Variants in PLEKHG1 observed in about 807,000 individuals in gnomAD.
PLEKHG1 encodes pleckstrin homology domain-containing family G member 1.
In PLEKHG1, 44 loss-of-function variants were observed where a neutral mutation model predicts 100.8. The ratio of observed to expected loss-of-function variants is 0.44; its 90% CI spans 0.34 to 0.56. The LOEUF is 0.56. PLEKHG1 is among the 20% of genes least tolerant of loss of function. The probability of loss-of-function intolerance (pLI) is 0.01; values close to 1 mark genes in which losing one functional copy is unlikely to be tolerated. For synonymous variants in PLEKHG1, 640 were observed against 662.5 expected (o/e 0.97, Z 0.52); for missense variants, 1,545 against 1,720.9 (o/e 0.90, Z 1.81).
intron 2 of PLEKHG1, among the ~76,000 whole-genome samples, chr6:150,646,271 G>T (rs1305469988): frequency 6.6e-6 from 1 of 151,822 alleles, no homozygotes; most frequent in Non-Finnish European, 1.5e-5. Flanking sequence ...TCTAATAGTG[G>T]GAAAAGTTCT....
chr6:150,723,174 G>A (rs1157054401), intron 1 of PLEKHG1, among the ~76,000 whole-genome samples: 1 of 152,112 alleles, frequency 6.6e-6, no homozygotes, highest in East Asian at 1.9e-4. Context: ...GATGAGACTT[G>A]GAGAAGTCAC....
In PLEKHG1 at chr6:150,839,704, G is replaced by A. The variant is rs1777411502; in HGVS notation, c.3095-129G>A. Reference sequence around the variant, plus strand: ...AGAGTTCAAAGATTACTCATCCTTAGACATCAGTTAGTCTTGTCTACTGTC... The same window carrying A: ...AGAGTTCAAAGATTACTCATCCTTAAACATCAGTTAGTCTTGTCTACTGTC... On this transcript the variant is annotated intron_variant, in intron 15 of 15. Coordinates refer to ENST00000358517, the Ensembl canonical transcript of PLEKHG1. The A allele has an allele frequency of 4.8e-6, 3 of 621,336 alleles. No individual in the cohort carries two copies. In the South Asian group the frequency reaches 6.0e-5, roughly 12 times the overall value. 38.5% of individuals were successfully genotyped at this position (621,336 alleles called of 1,614,324 possible).
intron 3 of PLEKHG1, among the ~76,000 whole-genome samples, chr6:150,698,976 A>C (rs924309910): frequency 6.6e-6 from 1 of 152,232 alleles, no homozygotes; most frequent in Non-Finnish European, 1.5e-5. Context: ...GGCATATTTC[A>C]AAGTAACATT....
chr6:150,603,849 C>T (rs1472878791), intron 1 of PLEKHG1, among the ~76,000 whole-genome samples: 2 of 152,194 alleles, frequency 1.3e-5, no homozygotes, highest in Admixed American at 6.5e-5. Flanking sequence ...TTTCCCCTCC[C>T]TTCGTGGTCC....
intron 2 of PLEKHG1, among the ~76,000 whole-genome samples, chr6:150,750,888 G>A (rs1783478229): frequency 6.6e-6 from 1 of 150,906 alleles, no homozygotes; most frequent in African/African-American, 2.4e-5. Flanking sequence ...ACTGAATCCA[G>A]ATCCTGGCCC....
chr6:150,763,583 G>A (rs951041310), intron 2 of PLEKHG1, among the ~76,000 whole-genome samples: 2 of 152,154 alleles, frequency 1.3e-5, no homozygotes, highest in East Asian at 1.9e-4. Context: ...AGTCCAGGGG[G>A]TACCAAACCT....
intron 3 of PLEKHG1, among the ~76,000 whole-genome samples, chr6:150,657,779 G>T (rs1463203965): frequency 1.3e-5 from 2 of 152,174 alleles, no homozygotes; most frequent in African/African-American, 4.8e-5. Flanking sequence ...TGTAGCTGAT[G>T]ATCAACTTGG....
At chr6:150,659,587 G>A (rs1451159925) in intron 3 of PLEKHG1, among the ~76,000 whole-genome samples, 3 of 152,186 alleles carry the variant, frequency 2.0e-5, no homozygotes, top group Non-Finnish European at 4.4e-5. Flanking sequence ...CTGTCAAATG[G>A]AGCTATGGAG....
chr6:150,649,884 T>C (rs1051414338), intron 2 of PLEKHG1, among the ~76,000 whole-genome samples: 20 of 152,212 alleles, frequency 1.3e-4, no homozygotes, highest in African/African-American at 4.1e-4. Context: ...TGGCGGCGTG[T>C]GCCTGTAGTC....
At position 150,831,762 on chromosome 6, in the gene PLEKHG1, T is replaced by G. The variant is rs1226916756; in HGVS notation, c.2651T>G (p.Val884Gly). The change falls in exon 15 of 16, where the codon GTG becomes GGG. Residue 884 changes from valine (V) to glycine (G), a missense_variant. Physicochemically the swap from Val to Gly is moderately radical, Grantham distance 109. Transcript: ENST00000358517. The surrounding 1 kb of genome is among the most constrained non-coding windows in gnomAD (Gnocchi z 4.1). ...AGCACCCCTGAGCTGAGCCGGGACG[T>G]GGGGCGCTCTGTGTCCACGCTGTCC... 6.2e-7 allele frequency: 1 copy of G among 1,613,552 alleles called. No homozygotes were observed. Among genetic ancestry groups the G allele is most frequent in the Non-Finnish European group, 8.5e-7 (1 of 1,179,996 alleles).
Position 150,840,379 on chromosome 6 carries a change from C to A in PLEKHG1, c.3641C>A (p.Ser1214Ter), listed in dbSNP as rs1302504951. The change falls in exon 16 of 16, where the codon TCA becomes TAA. Residue 1214 changes from serine to a stop codon, truncating the protein, a stop_gained. Coordinates refer to ENST00000358517, the Ensembl canonical transcript of PLEKHG1. LOFTEE classifies it low-confidence loss of function (END_TRUNC). ...CAGCTGCTGTCTTTACACAGAAGTT[C>A]AAGGTGTGAGAGTCACCAGGACTTG... The A allele has an allele frequency of 6.2e-7, 1 of 1,614,168 alleles. No individual in the cohort carries two copies. Among genetic ancestry groups the A allele is most frequent in the Admixed American group, 1.7e-5 (1 of 60,024 alleles).
chr6:150,773,426 C>T (rs1784802640), intron 3 of PLEKHG1, among the ~76,000 whole-genome samples: 2 of 152,318 alleles, frequency 1.3e-5, no homozygotes, highest in Non-Finnish European at 2.9e-5. Flanking sequence ...CCCAGCTACT[C>T]AGGAGGCTGA....
chr6:150,808,483 C>T (rs564334663), intron 7 of PLEKHG1, among the ~76,000 whole-genome samples: 8 of 151,942 alleles, frequency 5.3e-5, no homozygotes, highest in African/African-American at 1.2e-4. Flanking sequence ...GGTGCGGTGG[C>T]TCACTTCTAT....
At chr6:150,800,513 C>G (rs17080331) in intron 5 of PLEKHG1, among the ~76,000 whole-genome samples, 4,766 of 152,234 alleles carry the variant, frequency 0.031, 106 homozygotes, top group South Asian at 0.065. Flanking sequence ...GCCCAGGGTG[C>G]CACTGCCAGT....
intron 2 of PLEKHG1, among the ~76,000 whole-genome samples, chr6:150,750,849 A>T (rs1783476269): frequency 1.3e-5 from 2 of 151,894 alleles, no homozygotes; most frequent in African/African-American, 4.8e-5. Flanking sequence ...TAACAAAATG[A>T]CAGAAAACAG....
intron 2 of PLEKHG1, among the ~76,000 whole-genome samples, chr6:150,759,314 T>C (rs988471810): frequency 3.3e-5 from 5 of 152,178 alleles, no homozygotes; most frequent in Admixed American, 3.3e-4. Flanking sequence ...AATTCAGATA[T>C]AGCCTGTGAT....
chr6:150,624,357 A>G (rs1454113248), intron 1 of PLEKHG1, among the ~76,000 whole-genome samples: 2 of 151,966 alleles, frequency 1.3e-5, no homozygotes, highest in African/African-American at 4.8e-5. Context: ...ATTGCAGGCA[A>G]CCTTGCCTCT....
Position 150,840,898 on chromosome 6 carries a change from G to C in PLEKHG1, c.*2G>C, listed in dbSNP as rs761250129. On this transcript the variant is annotated 3_prime_UTR_variant, in exon 16 of 16. Coordinates refer to ENST00000358517, the Ensembl canonical transcript of PLEKHG1. ...CTCAGTTCAAGCAGCTTTGCTTAAG[G>C]TTCTTCATAATAACTGCTTGAATCA... is the stretch of plus-strand genomic sequence containing the variant. 5.6e-6 allele frequency: 9 copies of C among 1,595,538 alleles called. No individual in the cohort carries two copies. The Admixed American group carries it at 1.5e-4, about 27-fold the overall frequency.
chr6:150,736,075 T>C (rs898235470), intron 2 of PLEKHG1, among the ~76,000 whole-genome samples: 6 of 152,220 alleles, frequency 3.9e-5, no homozygotes, highest in Non-Finnish European at 7.3e-5. Context: ...TAAATAGTTT[T>C]GGCCTTATGG....
Sources: allele counts gnomAD v4.1 joint callset (sites outside exome capture counted in the v4.1 genomes callset), GRCh38; gene constraint gnomAD v4.1.1; non-coding constraint Gnocchi (gnomAD v3.1); transcripts MANE v1.5; gene names NCBI Gene and HGNC (gene_info 2026-07-23, HGNC 2026-07-21).